The following CSMD1 variants were observed in gnomAD, a reference collection of about 807,000 sequenced individuals.
CSMD1 encodes CUB and sushi domain-containing protein 1.
In CSMD1, 213 loss-of-function variants were observed where a neutral mutation model predicts 417.5. The observed-to-expected ratio is 0.51, with a 90% CI of 0.46 to 0.57. The LOEUF (loss-of-function observed/expected upper bound fraction) is 0.57. Among genes scored for constraint, CSMD1 ranks in the 20% least tolerant of loss-of-function variants. The pLI is 0.00. For missense variants in CSMD1, 6,923 were observed against 4,529.7 expected, an observed-to-expected ratio of 1.53 and a Z score of -15.17; for synonymous variants, 2,862 against 1,736.8, an observed-to-expected ratio of 1.65 and a Z score of -16.11.
At chr8:3,983,071 C>T (rs1467426136) in intron 5 of CSMD1, among the ~76,000 whole-genome samples, 1 of 151,968 alleles carries the variant, frequency 6.6e-6, no homozygotes, top group Non-Finnish European at 1.5e-5. Context: ...ACTCTTTTCC[C>T]CAGGAGCCTC....
chr8:3,800,585 T>G (rs548076349), intron 5 of CSMD1, among the ~76,000 whole-genome samples: 1 of 152,128 alleles, frequency 6.6e-6, no homozygotes, highest in African/African-American at 2.4e-5. Context: ...AAAACCAATG[T>G]TGAAACTTGA....
intron 49 of CSMD1, among the ~76,000 whole-genome samples, chr8:3,055,389 G>A (rs1239129281): frequency 6.6e-6 from 1 of 152,128 alleles, no homozygotes; most frequent in Admixed American, 6.5e-5. Context: ...AGGCTATTTG[G>A]TAGATTTAAA....
At chr8:3,267,972 T>C (rs1801554290) in intron 26 of CSMD1, among the ~76,000 whole-genome samples, 1 of 152,098 alleles carries the variant, frequency 6.6e-6, no homozygotes, top group African/African-American at 2.4e-5. Flanking sequence ...CAGGATTCCA[T>C]GAAGACAGGG....
chr8:2,957,847 A>G lies in CSMD1; in HGVS notation c.9703-40T>C, dbSNP rs757067181. ...CAATACTAGCTTCAGAGGCCAAGGGAATATACGAAGTGTCAACTAGTGATA... is the reference window on the plus strand; with the variant it reads ...CAATACTAGCTTCAGAGGCCAAGGGGATATACGAAGTGTCAACTAGTGATA... On this transcript the variant is annotated intron_variant, in intron 62 of 69. Transcript: ENST00000635120. The G allele has an allele frequency of 2.2e-6, 3 of 1,377,494 alleles. No homozygotes were observed. The African/African-American group carries it at 4.3e-5, about 20-fold the overall frequency. The allele number at this position is 1,377,494 out of a possible 1,614,324, so 85.3% of individuals were successfully genotyped here. A position where few individuals can be genotyped will look rare whatever the true frequency, so the allele number is the denominator to read the frequency against.
chr8:3,844,917 A>ACGC (rs879277365), intron 5 of CSMD1, among the ~76,000 whole-genome samples: 1 of 152,198 alleles, frequency 6.6e-6, no homozygotes, highest in Admixed American at 6.5e-5. Flanking sequence ...GTGCATTTAA[A>ACGC]AACTGCCATC....
At chr8:3,259,358 G>A (rs1255307705) in intron 26 of CSMD1, among the ~76,000 whole-genome samples, 1 of 152,194 alleles carries the variant, frequency 6.6e-6, no homozygotes, top group Non-Finnish European at 1.5e-5. Context: ...ACTCAGTCCT[G>A]CTTAGCTCTC....
intron 49 of CSMD1, among the ~76,000 whole-genome samples, chr8:3,055,220 C>T (rs1812136192): frequency 6.6e-6 from 1 of 152,180 alleles, no homozygotes; most frequent in Non-Finnish European, 1.5e-5. Context: ...AGCAGAAGAT[C>T]TTTATAGCCC....
chr8:4,448,149 G>A (rs140446528), intron 2 of CSMD1, among the ~76,000 whole-genome samples: 100 of 152,054 alleles, frequency 6.6e-4, no homozygotes, highest in Non-Finnish European at 6.8e-4. Flanking sequence ...TGTATCGCTC[G>A]TATCACCTCA....
At chr8:4,121,241 G>A (rs1991140) in intron 3 of CSMD1, among the ~76,000 whole-genome samples, 150,514 of 152,152 alleles carry the variant, frequency 0.99, 74,471 homozygotes, top group East Asian at 1. Context: ...CAGCCTCCCA[G>A]CTATCTGGGA....
chr8:3,790,549 T>C (rs928372937), intron 5 of CSMD1, among the ~76,000 whole-genome samples: 1 of 152,222 alleles, frequency 6.6e-6, no homozygotes, highest in Non-Finnish European at 1.5e-5. Context: ...CAACAGAAAC[T>C]TAGACAACTA....
intron 6 of CSMD1, among the ~76,000 whole-genome samples, chr8:3,716,696 C>G (rs1331449492): frequency 6.6e-6 from 1 of 152,108 alleles, no homozygotes; most frequent in South Asian, 2.1e-4. Context: ...GGAATGCAGC[C>G]CAGCAGGCCT....
intron 2 of CSMD1, among the ~76,000 whole-genome samples, chr8:4,495,775 A>G (rs1801949791): frequency 6.6e-6 from 1 of 152,152 alleles, no homozygotes. Flanking sequence ...TTAACATTCA[A>G]ATATACTTTC....
intron 1 of CSMD1, among the ~76,000 whole-genome samples, chr8:4,661,040 A>T (rs1804566468): frequency 6.6e-6 from 1 of 152,134 alleles, no homozygotes; most frequent in Admixed American, 6.5e-5. Context: ...TGGCACAGCC[A>T]CCCCGGGAAA....
chr8:4,728,478 C>T (rs1422965986), intron 1 of CSMD1, among the ~76,000 whole-genome samples: 2 of 152,012 alleles, frequency 1.3e-5, no homozygotes, highest in African/African-American at 4.8e-5. Context: ...CAGCAGAGTG[C>T]TGCCATGTAG....
chr8:4,441,227 T>C (rs1171185200), intron 2 of CSMD1, among the ~76,000 whole-genome samples: 1 of 145,250 alleles, frequency 6.9e-6, no homozygotes, highest in Non-Finnish European at 1.5e-5. Context: ...GCCTCTTGAG[T>C]AGCTGGAACT....
chr8:4,508,089 C>CAA (rs3991007), intron 2 of CSMD1, among the ~76,000 whole-genome samples: 9,407 of 125,738 alleles, frequency 0.075, 380 homozygotes, highest in East Asian at 0.11. Flanking sequence ...AAAAAAATAC[C>CAA]AAAAAAAAAA....
rs553722925 is a variant in CSMD1, at chr8:4,418,269, C to G, written c.415+1684G>C. On this transcript the variant is annotated intron_variant, in intron 3 of 69. Transcript: ENST00000635120. ...AAATCCAAGTTACTCAACTTATGGC[C>G]CTATTCCATTTTCTAGAAAGTTTTT... 9.1e-4 allele frequency among the ~76,000 whole-genome samples: 139 copies of G among 152,096 alleles called. 1 individual carries two copies. Among genetic ancestry groups the G allele is most frequent in the African/African-American group, 3.2e-3 (132 of 41,488 alleles).
At chr8:3,200,509 G>A (rs1161360422) in intron 32 of CSMD1, among the ~76,000 whole-genome samples, 5 of 151,546 alleles carry the variant, frequency 3.3e-5, no homozygotes, top group Non-Finnish European at 5.9e-5. Flanking sequence ...GAGCCGAGAT[G>A]GTGCCACTGC....
At chr8:4,003,266 ACTTGTAATCC>A (rs1815843491) in intron 4 of CSMD1, among the ~76,000 whole-genome samples, 1 of 152,012 alleles carries the variant, frequency 6.6e-6, no homozygotes, top group South Asian at 2.1e-4. Flanking sequence ...GGTGACGGGC[ACTTGTAATCC>A]CAGCTACTCG....
Sources: allele counts gnomAD v4.1 joint callset (sites outside exome capture counted in the v4.1 genomes callset), GRCh38; gene constraint gnomAD v4.1.1; transcripts MANE v1.5; gene names NCBI Gene and HGNC (gene_info 2026-07-23, HGNC 2026-07-21).